The following TRPM7 variants were observed in gnomAD, a reference collection of about 807,000 sequenced individuals.
TRPM7 encodes LTRPC ion channel family member 7.
Under a neutral mutation model 229.7 loss-of-function variants are expected in TRPM7, and 134 were observed. The ratio of observed to expected loss-of-function variants is 0.58; its 90% CI spans 0.51 to 0.67. The LOEUF is 0.67. Among genes scored for constraint, TRPM7 ranks in the 30% least tolerant of loss-of-function variants. The pLI, the probability that TRPM7 is intolerant of heterozygous loss-of-function variation, is 0.00. For missense variants in TRPM7, 1,901 were observed against 2,210.0 expected, an observed-to-expected ratio of 0.86 and a Z score of 2.80; for synonymous variants, 699 against 715.2, an observed-to-expected ratio of 0.98 and a Z score of 0.36.
chr15:50,562,405 C>T (rs1428652961), intron 38 of TRPM7, among the ~76,000 whole-genome samples: 6 of 152,100 alleles, frequency 3.9e-5, no homozygotes, highest in Non-Finnish European at 7.4e-5. Flanking sequence ...TCACTGGTCT[C>T]AGTGAGCTTA....
At chr15:50,634,199 TAATC>T (rs2060819266) in intron 8 of TRPM7, among the ~76,000 whole-genome samples, 179 bp downstream of exon 8, 1 of 152,056 alleles carries the variant, frequency 6.6e-6, no homozygotes, top group Non-Finnish European at 1.5e-5. Context: ...CTCATGCATG[TAATC>T]CCAGCTAATT....
chr15:50,665,393 T>TA lies in TRPM7; in HGVS notation c.4-2348dup, dbSNP rs5812523. ...TGGGTGAAAAGAGTAAAACTCTGTCTAAAAAAAAAAAAAAAAATTGATCAT... is the reference window on the plus strand; with the variant it reads ...TGGGTGAAAAGAGTAAAACTCTGTCTAAAAAAAAAAAAAAAAAATTGATCAT... On this transcript the variant is annotated intron_variant, in intron 1 of 38. Transcript: ENST00000646667. Among the ~76,000 whole-genome samples, 179 of 135,764 alleles carry TA rather than the reference T, an allele frequency of 1.3e-3. 1 individual carries two copies. Among genetic ancestry groups the TA allele is most frequent in the Middle Eastern group, 3.7e-3 (1 of 272 alleles). 89.1% of individuals were successfully genotyped at this position (135,764 alleles called of 152,430 possible). A position where few individuals can be genotyped will look rare whatever the true frequency, so the allele number is the denominator to read the frequency against.
chr15:50,628,151 G>A lies in TRPM7; in HGVS notation c.1303C>T (p.Leu435=). The A allele has an allele frequency of 1.2e-6, 2 of 1,600,122 alleles. No homozygotes were observed. The highest frequency in any genetic ancestry group is 1.3e-5 in the African/African-American group (1 of 74,640). Residue 435 remains leucine (L), a splice_region_variant and synonymous_variant, in exon 11 of 39, where the codon CTG becomes TTG. Transcript: ENST00000646667. ...NHVFVYGQQW[L]VGSLEQAMLD... ...GTGTATGTAGATTATTTACATACCA[G>A]CCACTGCTGTCCATAAACAAATACA... is the stretch of plus-strand genomic sequence containing the variant.
chr15:50,645,876 C>T (rs938713416), intron 4 of TRPM7, among the ~76,000 whole-genome samples: 2 of 151,916 alleles, frequency 1.3e-5, no homozygotes, highest in South Asian at 2.1e-4. Flanking sequence ...AGCAGGTGGC[C>T]GGGCATGGTG....
At chr15:50,656,766 T>C (rs1408305142) in intron 3 of TRPM7, among the ~76,000 whole-genome samples, 1 of 152,116 alleles carries the variant, frequency 6.6e-6, no homozygotes, top group African/African-American at 2.4e-5. Flanking sequence ...CTCTTATACT[T>C]CCTCATCAGA....
At chr15:50,649,952 T>C (rs1312631261) in intron 3 of TRPM7, among the ~76,000 whole-genome samples, 1 of 151,898 alleles carries the variant, frequency 6.6e-6, no homozygotes, top group Non-Finnish European at 1.5e-5. Flanking sequence ...CCCAGCACTT[T>C]GGGAGGCCGA....
chr15:50,634,705 T>C (rs971398813), intron 7 of TRPM7, 149 bp from the exon 8 acceptor site: 116 of 553,556 alleles, frequency 2.1e-4, no homozygotes, highest in Admixed American at 6.1e-4. Flanking sequence ...AAGACTATGT[T>C]GACTTGACTT....
intron 7 of TRPM7, among the ~76,000 whole-genome samples, chr15:50,635,664 C>CAAAAA (rs765054880): frequency 0.014 from 777 of 56,472 alleles, 45 homozygotes; most frequent in African/African-American, 0.026. Context: ...CTCCATCTCC[C>CAAAAA]AAAAAAAAAA....
At chr15:50,587,432 A>T (rs1596110234) in intron 27 of TRPM7, among the ~76,000 whole-genome samples, 2 of 80,362 alleles carry the variant, frequency 2.5e-5, no homozygotes, top group Non-Finnish European at 4.6e-5. Context: ...TTTGAGATGG[A>T]GTCTTGCTCC....
chr15:50,584,620 T>G (rs1315546508), intron 28 of TRPM7, among the ~76,000 whole-genome samples: 4 of 151,356 alleles, frequency 2.6e-5, no homozygotes, highest in African/African-American at 7.3e-5. Context: ...ATTTCTGTTT[T>G]TTTTTTTTTT....
intron 1 of TRPM7, among the ~76,000 whole-genome samples, chr15:50,664,516 C>T (rs28692677): frequency 0.022 from 3,305 of 152,006 alleles, 117 homozygotes; most frequent in African/African-American, 0.077. Context: ...TTATTACAAA[C>T]GTTAAATCTG....
chr15:50,580,291 A>G (rs2054337050), intron 30 of TRPM7, among the ~76,000 whole-genome samples: 1 of 152,136 alleles, frequency 6.6e-6, no homozygotes, highest in South Asian at 2.1e-4. Context: ...AGATTATCTT[A>G]GATTTGTCTT....
intron 6 of TRPM7, 91 bp downstream of exon 6, chr15:50,639,333 T>C: frequency 8.8e-7 from 1 of 1,131,434 alleles, no homozygotes. Flanking sequence ...AAGTATAATA[T>C]AATCATAAAT....
intron 1 of TRPM7, among the ~76,000 whole-genome samples, chr15:50,669,374 G>A (rs2061943817): frequency 6.6e-6 from 1 of 152,094 alleles, no homozygotes; most frequent in Non-Finnish European, 1.5e-5. Flanking sequence ...GATGGAGGCT[G>A]CAGTGAGCCG....
chr15:50,581,784 C>T (rs941138734), intron 29 of TRPM7, among the ~76,000 whole-genome samples: 1 of 152,004 alleles, frequency 6.6e-6, no homozygotes, highest in African/African-American at 2.4e-5. Context: ...TTTCTAATCT[C>T]TTCAAATTTT....
chr15:50,686,775 C>G lies in TRPM7; in HGVS notation c.-242G>C, dbSNP rs1274569667. ...CACAGGGACGCGCCCGCGCCCGCCT[C>G]CGCCGGCGACGGGGCTGGGGACGGA... On this transcript the variant is annotated 5_prime_UTR_variant, in exon 1 of 39. Coordinates refer to ENST00000646667, the MANE Select transcript of TRPM7 (RefSeq NM_017672.6). 1 of 453,110 alleles carries G rather than the reference C, an allele frequency of 2.2e-6. No individual in the cohort carries two copies. Among genetic ancestry groups the G allele is most frequent in the African/African-American group, 2.1e-5 (1 of 47,948 alleles). 28.1% of individuals were successfully genotyped at this position (453,110 alleles called of 1,614,324 possible).
intron 26 of TRPM7, among the ~76,000 whole-genome samples, chr15:50,591,677 T>C (rs1323767685): frequency 6.6e-6 from 1 of 152,048 alleles, no homozygotes; most frequent in East Asian, 1.9e-4. Flanking sequence ...CAAAAATTTT[T>C]TGTAGAGATG....
intron 26 of TRPM7, among the ~76,000 whole-genome samples, chr15:50,590,040 T>C (rs2059447536): frequency 6.6e-6 from 1 of 152,076 alleles, no homozygotes; most frequent in South Asian, 2.1e-4. Flanking sequence ...GTATTTTTAG[T>C]AGAGACAGGG....
At chr15:50,672,944 T>C (rs1460432346) in intron 1 of TRPM7, among the ~76,000 whole-genome samples, 1 of 120,700 alleles carries the variant, frequency 8.3e-6, no homozygotes, top group Non-Finnish European at 1.8e-5. Flanking sequence ...AATAAGTATA[T>C]AAAGAAAATG....
Sources: allele counts gnomAD v4.1 joint callset (sites outside exome capture counted in the v4.1 genomes callset), GRCh38; gene constraint gnomAD v4.1.1; transcripts MANE v1.5; gene names NCBI Gene and HGNC (gene_info 2026-07-23, HGNC 2026-07-21).